ACSM3: variants seen among roughly 807,000 people sequenced by gnomAD.
The protein encoded by ACSM3 is acyl-coenzyme A synthetase ACSM3, mitochondrial.
Under a neutral mutation model 74.1 loss-of-function variants are expected in ACSM3, and 61 were observed. That is an observed-to-expected ratio of 0.82 (90% CI 0.67 to 1.02). The LOEUF is 1.02. ACSM3 is among the 50% of genes least tolerant of loss of function. The pLI is 0.00. For synonymous variants in ACSM3, 213 were observed against 241.5 expected, an observed-to-expected ratio of 0.88 and a Z score of 1.09; for missense variants, 660 against 697.0, an observed-to-expected ratio of 0.95 and a Z score of 0.60.
chr16:20,797,531 A>G lies in ACSM3; in HGVS notation c.*559A>G. ...GGTCTAACTATAAAAGAAGGATCATATACTATTGTTGCTTATTATATGTAA... is the reference window on the plus strand; with the variant it reads ...GGTCTAACTATAAAAGAAGGATCATGTACTATTGTTGCTTATTATATGTAA... On this transcript the variant is annotated 3_prime_UTR_variant, in exon 14 of 14. Coordinates refer to ENST00000289416, the MANE Select transcript of ACSM3 (RefSeq NM_005622.4). 8.3e-7 allele frequency: 1 copy of G among 1,203,448 alleles called. No homozygotes were observed. The highest frequency in any genetic ancestry group is 1.0e-6 in the Non-Finnish European group (1 of 968,252). 74.5% of individuals were successfully genotyped at this position (1,203,448 alleles called of 1,614,324 possible).
At chr16:20,775,042 C>T (rs940513601) in intron 2 of ACSM3, among the ~76,000 whole-genome samples, 12 of 152,136 alleles carry the variant, frequency 7.9e-5, no homozygotes, top group African/African-American at 2.7e-4. Flanking sequence ...GCTGGACTCC[C>T]TGTTACCTGG....
intron 1 of ACSM3, among the ~76,000 whole-genome samples, chr16:20,683,417 C>CA (rs1243163195): frequency 1.3e-5 from 2 of 152,124 alleles, no homozygotes; most frequent in African/African-American, 4.8e-5. Context: ...TGTGAGCCAC[C>CA]ATGCCTGGCC....
chr16:20,777,876 G>T (rs1466346989), intron 4 of ACSM3, among the ~76,000 whole-genome samples: 1 of 152,194 alleles, frequency 6.6e-6, no homozygotes, highest in Non-Finnish European at 1.5e-5. Context: ...GGCAGAGAAA[G>T]AAATTTATTT....
chr16:20,685,804 A>G (rs533791271), intron 1 of ACSM3, among the ~76,000 whole-genome samples: 21 of 139,378 alleles, frequency 1.5e-4, no homozygotes, highest in African/African-American at 4.5e-4. Context: ...TGGATGACAC[A>G]GTGAGACTCC....
chr16:20,790,725 T>C lies in ACSM3; in HGVS notation c.1326+37T>C. On this transcript the variant is annotated intron_variant, in intron 10 of 13. Coordinates refer to ENST00000289416, the MANE Select transcript of ACSM3 (RefSeq NM_005622.4). This position sits in a 1 kb window ranked among gnomAD's most constrained non-coding sequence, Gnocchi z 4.0. ...ACTAAATAATCTCATTTTCTATTTA[T>C]TTCTCAAGTGCTTGGTAACAATCCC... The C allele has an allele frequency of 6.2e-7, 1 of 1,614,042 alleles. No individual in the cohort carries two copies. The highest frequency in any genetic ancestry group is 8.5e-7 in the Non-Finnish European group (1 of 1,179,912).
chr16:20,685,340 A>G (rs1433411100), intron 1 of ACSM3: 2 of 1,614,020 alleles, frequency 1.2e-6, no homozygotes, highest in Non-Finnish European at 1.7e-6. Context: ...CTGAAGCTCC[A>G]CTTTACTTCA....
chr16:20,746,275 T>C (rs7188735), intron 1 of ACSM3, among the ~76,000 whole-genome samples: 93,383 of 152,032 alleles, frequency 0.61, 29,938 homozygotes, highest in Non-Finnish European at 0.72. Context: ...TCGTGAATCA[T>C]GGAAGCCTGT....
At chr16:20,676,785 G>A (rs747216158) in intron 1 of ACSM3, among the ~76,000 whole-genome samples, 5 of 151,706 alleles carry the variant, frequency 3.3e-5, no homozygotes, top group Non-Finnish European at 4.4e-5. Flanking sequence ...TAATGTGCAC[G>A]GTGCAAAAGG....
intron 1 of ACSM3, chr16:20,685,497 AACACAG>A: frequency 8.5e-7 from 1 of 1,174,096 alleles, no homozygotes; most frequent in Non-Finnish European, 1.3e-6. Context: ...TTCCAATGTG[AACACAG>A]CTTAAGGACT....
intron 9 of ACSM3, 158 bp downstream of exon 9, chr16:20,786,316 G>A (rs989095819): frequency 7.4e-7 from 1 of 1,359,404 alleles, no homozygotes; most frequent in Non-Finnish European, 9.7e-7. Context: ...GATTAGAAAT[G>A]TTAGCTTCTT....
intron 2 of ACSM3, among the ~76,000 whole-genome samples, chr16:20,753,821 T>C (rs2080006783): frequency 6.6e-6 from 1 of 151,412 alleles, no homozygotes; most frequent in Non-Finnish European, 1.5e-5. Context: ...TGCCTGACTT[T>C]GTTTCCCTAT....
intron 1 of ACSM3, chr16:20,733,077 GT>G (rs2079840650): frequency 6.5e-6 from 1 of 152,786 alleles, no homozygotes; most frequent in Non-Finnish European, 1.5e-5. Context: ...CTCTTAAAAT[GT>G]TTAAGATCCT....
chr16:20,713,075 G>T (rs1215024440), intron 1 of ACSM3, among the ~76,000 whole-genome samples: 1 of 152,198 alleles, frequency 6.6e-6, no homozygotes, highest in African/African-American at 2.4e-5. Flanking sequence ...GGCCACATCA[G>T]TGAATATTGC....
chr16:20,756,752 G>A (rs1401586214), intron 3 of ACSM3, among the ~76,000 whole-genome samples: 1 of 152,190 alleles, frequency 6.6e-6, no homozygotes, highest in Non-Finnish European at 1.5e-5. Context: ...TTCTTCTAGG[G>A]TTTTTATGGG....
At chr16:20,691,242 T>G in intron 1 of ACSM3, 1 of 1,413,986 alleles carries the variant, frequency 7.1e-7, no homozygotes, top group Non-Finnish European at 9.4e-7. Context: ...CCACCTGCCT[T>G]GGGAAGAGAT....
chr16:20,740,262 G>A (rs577322006), intron 1 of ACSM3, among the ~76,000 whole-genome samples: 1 of 152,324 alleles, frequency 6.6e-6, no homozygotes, highest in South Asian at 2.1e-4. Context: ...CGGGCATGGT[G>A]GCACATGCCT....
intron 1 of ACSM3, among the ~76,000 whole-genome samples, chr16:20,733,155 T>C (rs1013264907): frequency 1.2e-4 from 18 of 152,258 alleles, no homozygotes; most frequent in African/African-American, 3.6e-4. Context: ...TCTAAAAATA[T>C]ATGGATGAAA....
chr16:20,687,706 C>T (rs2079577993), intron 1 of ACSM3, among the ~76,000 whole-genome samples: 1 of 147,754 alleles, frequency 6.8e-6, no homozygotes, highest in Non-Finnish European at 1.5e-5. Context: ...CTAAAGGAAA[C>T]CACAGATCCA....
At chr16:20,724,189 G>C (rs1473389392) in intron 1 of ACSM3, among the ~76,000 whole-genome samples, 1 of 152,126 alleles carries the variant, frequency 6.6e-6, no homozygotes, top group Non-Finnish European at 1.5e-5. Context: ...TCAGGTAGTT[G>C]TAGATATTCA....
Sources: allele counts gnomAD v4.1 joint callset (sites outside exome capture counted in the v4.1 genomes callset), GRCh38; gene constraint gnomAD v4.1.1; non-coding constraint Gnocchi (gnomAD v3.1); transcripts MANE v1.5; gene names NCBI Gene and HGNC (gene_info 2026-07-23, HGNC 2026-07-21).